NOX4: variants seen among roughly 807,000 people sequenced by gnomAD.
NOX4 encodes the protein kidney oxidase-1.
A neutral mutation model predicts 87.6 loss-of-function variants in NOX4; 69 were observed. The ratio of observed to expected loss-of-function variants is 0.79; its 90% CI spans 0.65 to 0.96. NOX4 has a LOEUF of 0.96. NOX4 is among the 40% of genes least tolerant of loss of function. The pLI is 0.00. For synonymous variants in NOX4, 275 were observed against 238.2 expected, an observed-to-expected ratio of 1.15 and a Z score of -1.42; for missense variants, 680 against 681.5, an observed-to-expected ratio of 1.00 and a Z score of 0.02.
chr11:89,555,410 G>A, the NOX4 span, among the ~76,000 whole-genome samples: 2 of 152,014 alleles, frequency 1.3e-5, no homozygotes, highest in South Asian at 2.1e-4. Flanking sequence ...ACTTGAACCC[G>A]GGATGTTGAG....
Position 89,444,216 on chromosome 11 carries a change from G to A in NOX4, c.366C>T (p.Ala122=). ...AGAAGTTGAGGGCATTCACCAGATG[G>A]GCAGCCACATGCACGCCTACAGAAT... The part of the protein sequence containing the change: ...ICIFSGVHVA[A]HLVNALNFSV... Residue 122 remains alanine, a synonymous_variant, in exon 5 of 18, where the codon GCC becomes GCT. Coordinates refer to ENST00000263317, the MANE Select transcript of NOX4 (RefSeq NM_016931.5). The A allele has an allele frequency of 1.2e-6, 2 of 1,613,298 alleles. No individual in the cohort carries two copies. Among genetic ancestry groups the A allele is most frequent in the Middle Eastern group, 1.7e-4 (1 of 6,054 alleles).
chr11:89,566,120 G>T, the NOX4 span, among the ~76,000 whole-genome samples: 1 of 148,974 alleles, frequency 6.7e-6, no homozygotes, highest in South Asian at 2.1e-4. Flanking sequence ...TCGGCTCACT[G>T]CAAGCTCTGC....
chr11:89,552,135 C>A, the NOX4 span, among the ~76,000 whole-genome samples: 3 of 152,050 alleles, frequency 2.0e-5, no homozygotes, highest in African/African-American at 2.4e-5. Flanking sequence ...GTTAATTTCT[C>A]AAGAAAAAGG....
At chr11:89,499,913 T>G (rs1946999600), upstream of NOX4, among the ~76,000 whole-genome samples, 1 of 152,164 alleles carries the variant, frequency 6.6e-6, no homozygotes, top group South Asian at 2.1e-4. Flanking sequence ...ACTTCAATAC[T>G]GTGTTACATT....
intron 11 of NOX4, among the ~76,000 whole-genome samples, chr11:89,384,749 G>C (rs1041419458): frequency 3.9e-5 from 6 of 152,112 alleles, no homozygotes; most frequent in African/African-American, 1.2e-4. Flanking sequence ...GTACAGGGCT[G>C]TGCAGTCAGA....
At chr11:89,500,983 G>A (rs496972), upstream of NOX4, among the ~76,000 whole-genome samples, 101,506 of 151,838 alleles carry the variant, frequency 0.67, 35,433 homozygotes, top group Non-Finnish European at 0.81. Context: ...GAAAGGACCT[G>A]CAGGCTAGAA....
At chr11:89,424,628 C>G (rs1040201410) in intron 7 of NOX4, among the ~76,000 whole-genome samples, 3 of 151,562 alleles carry the variant, frequency 2.0e-5, no homozygotes, top group African/African-American at 7.3e-5. Flanking sequence ...AGCTTATTTA[C>G]TCTGATTATT....
chr11:89,412,668 A>C (rs2135230921), intron 8 of NOX4, among the ~76,000 whole-genome samples: 1 of 152,122 alleles, frequency 6.6e-6, no homozygotes, highest in Middle Eastern at 3.4e-3. Context: ...TCTCTTCCTA[A>C]ATTAAAAAAA....
chr11:89,507,058 G>A, the NOX4 span, among the ~76,000 whole-genome samples: 90 of 151,938 alleles, frequency 5.9e-4, no homozygotes, highest in African/African-American at 2.1e-3. Flanking sequence ...AATATGTACT[G>A]CATGATTCCA....
At chr11:89,577,268 A>G in the NOX4 span, 4 of 152,294 alleles carry the variant, frequency 2.6e-5, no homozygotes, top group Non-Finnish European at 4.4e-5. Flanking sequence ...CTATTCTTAT[A>G]TATTTCATTC....
the NOX4 span, among the ~76,000 whole-genome samples, chr11:89,585,062 A>T: frequency 2.0e-5 from 3 of 152,110 alleles, no homozygotes; most frequent in African/African-American, 7.2e-5. Flanking sequence ...TGGGTGGGCG[A>T]ATTTTGTATT....
the NOX4 span, among the ~76,000 whole-genome samples, chr11:89,521,283 G>A: frequency 2.0e-5 from 3 of 151,862 alleles, no homozygotes; most frequent in African/African-American, 4.8e-5. Flanking sequence ...TTCAAACTAC[G>A]GTGTAAGGCT....
At chr11:89,431,784 A>G (rs1943798060) in intron 7 of NOX4, among the ~76,000 whole-genome samples, 1 of 152,188 alleles carries the variant, frequency 6.6e-6, no homozygotes, top group African/African-American at 2.4e-5. Context: ...ATTGTGGAAG[A>G]CAGTGTGGCG....
intron 2 of NOX4, among the ~76,000 whole-genome samples, chr11:89,473,830 C>T (rs1946052559): frequency 6.6e-6 from 1 of 151,930 alleles, no homozygotes; most frequent in Admixed American, 6.6e-5. Flanking sequence ...GGAAAAAAAA[C>T]AAAACACTGC....
intron 7 of NOX4, among the ~76,000 whole-genome samples, chr11:89,422,766 C>T (rs1484395625): frequency 6.6e-6 from 1 of 151,558 alleles, no homozygotes; most frequent in Non-Finnish European, 1.5e-5. Context: ...AGTATCATTA[C>T]CATCCCTTGT....
chr11:89,442,417 CA>C (rs1176275316), intron 5 of NOX4, among the ~76,000 whole-genome samples: 1 of 151,914 alleles, frequency 6.6e-6, no homozygotes, highest in African/African-American at 2.4e-5. Context: ...TAGAAGAGGA[CA>C]AAGAAATACA....
At chr11:89,458,620 A>G (rs1382684568) in intron 2 of NOX4, among the ~76,000 whole-genome samples, 5 of 152,160 alleles carry the variant, frequency 3.3e-5, no homozygotes, top group African/African-American at 1.2e-4. Context: ...AAAACAAACA[A>G]TCTCATTAAA....
chr11:89,488,938 G>T (rs1946736690), intron 2 of NOX4: 3 of 692,950 alleles, frequency 4.3e-6, no homozygotes, highest in Non-Finnish European at 7.9e-6. Context: ...TGAGGGGCGA[G>T]GTGAGGTCTT....
chr11:89,543,454 G>T, the NOX4 span, among the ~76,000 whole-genome samples: 1 of 151,996 alleles, frequency 6.6e-6, no homozygotes, highest in East Asian at 1.9e-4. Flanking sequence ...ATTTAACATG[G>T]CTACGAATTA....
Sources: allele counts gnomAD v4.1 joint callset (sites outside exome capture counted in the v4.1 genomes callset), GRCh38; gene constraint gnomAD v4.1.1; transcripts MANE v1.5; gene names NCBI Gene and HGNC (gene_info 2026-07-23, HGNC 2026-07-21).